Variants in KIF20B observed in about 807,000 individuals in gnomAD.
KIF20B encodes kinesin-like protein KIF20B.
Under a neutral mutation model 232.5 loss-of-function variants are expected in KIF20B, and 188 were observed. The observed-to-expected ratio is 0.81, with a 90% confidence interval of 0.72 to 0.91. The LOEUF is 0.91. Ranked by LOEUF, KIF20B falls within the 40% of genes least tolerant of loss-of-function variation. The pLI, the probability that KIF20B is intolerant of heterozygous loss-of-function variation, is 0.00. For missense variants in KIF20B, 2,154 were observed against 2,055.9 expected (o/e 1.05, Z -0.92); for synonymous variants, 712 against 683.0 (o/e 1.04, Z -0.66).
chr10:89,764,637 T>C (rs1842316430), intron 29 of KIF20B, among the ~76,000 whole-genome samples: 1 of 152,156 alleles, frequency 6.6e-6, no homozygotes, highest in Admixed American at 6.5e-5. Context: ...TGCATTTCTC[T>C]GATGGCCAGT....
chr10:89,772,630 A>G, intron 31 of KIF20B, 59 bp from the exon 32 acceptor site: 1 of 1,109,040 alleles, frequency 9.0e-7, no homozygotes, highest in Admixed American at 2.6e-5. Flanking sequence ...TAAGGATTTC[A>G]AATCACCTTT....
At chr10:89,727,709 G>A in intron 16 of KIF20B, 147 bp from the exon 17 acceptor site, 1 of 637,876 alleles carries the variant, frequency 1.6e-6, no homozygotes, top group Non-Finnish European at 2.5e-6. Context: ...TTTTTAATGA[G>A]TAGGGTGTGC....
In KIF20B at chr10:89,754,566, A is replaced by G. The variant is rs768347589; in HGVS notation, c.4396A>G (p.Lys1466Glu). 4.4e-6 allele frequency: 7 copies of G among 1,605,110 alleles called. No homozygotes were observed. In the African/African-American group the frequency reaches 8.0e-5, roughly 18 times the overall value. Residue 1466 changes from lysine (K) to glutamate (E), a missense_variant, in exon 26 of 33, where the codon AAA (lysine) becomes GAA (glutamate). Physicochemically the swap from Lys to Glu is moderately conservative, Grantham distance 56 (BLOSUM62 1). Transcript: ENST00000371728. The stretch of plus-strand genomic sequence containing the variant: ...TGATAGAAAGAAATGGTTAGAAGAA[A>G]AAATGATGCTTATCACTCAAGCGAA... ...NADRKKWLEEKMMLITQAKEA... is the reference protein window; with the variant it reads ...NADRKKWLEEEMMLITQAKEA...
In KIF20B at chr10:89,729,191, A is replaced by C; in HGVS notation, c.2335A>C (p.Thr779Pro). ...LINIIDQKED[T>P]INEFQNLKSH... ...AAATATAATTGATCAAAAAGAAGAT[A>C]CTATCAACGAATTTCAGAACCTAAA... is the stretch of plus-strand genomic sequence containing the variant. Residue 779 changes from threonine (T) to proline (P), a missense_variant, in exon 18 of 33, where the codon ACT (threonine) becomes CCT (proline). Thr to Pro is a conservative substitution (Grantham distance 38). Coordinates refer to ENST00000371728, the MANE Select transcript of KIF20B (RefSeq NM_001284259.2). 2 of 1,485,590 alleles carry C rather than the reference A, an allele frequency of 1.3e-6. No individual in the cohort carries two copies. Among genetic ancestry groups the C allele is most frequent in the Non-Finnish European group, 1.8e-6 (2 of 1,104,284 alleles). The allele number at this position is 1,485,590 out of a possible 1,614,324, so 92.0% of individuals were successfully genotyped here.
Position 89,719,724 on chromosome 10 carries a change from A to C in KIF20B, c.1722+18A>C, listed in dbSNP as rs1843011112. 2 of 1,554,630 alleles carry C rather than the reference A, an allele frequency of 1.3e-6. No individual in the cohort carries two copies. Among genetic ancestry groups the C allele is most frequent in the Admixed American group, 2.0e-5 (1 of 50,592 alleles). ...AGAAAAGAGTATGTATTAAGAACTCATACTTCTATGCTTGTCTTCTTATTC... is the reference window on the plus strand; with the variant it reads ...AGAAAAGAGTATGTATTAAGAACTCCTACTTCTATGCTTGTCTTCTTATTC... On this transcript the variant is annotated intron_variant, in intron 13 of 32. Coordinates refer to ENST00000371728, the MANE Select transcript of KIF20B (RefSeq NM_001284259.2).
At chr10:89,767,654 G>A (rs1424730182) in intron 29 of KIF20B, among the ~76,000 whole-genome samples, 1 of 151,984 alleles carries the variant, frequency 6.6e-6, no homozygotes, top group Non-Finnish European at 1.5e-5. Flanking sequence ...TCCTATGTGA[G>A]GTTATTTGGG....
chr10:89,709,561 C>G (rs1168862414), intron 4 of KIF20B, 100 bp downstream of exon 4: 1 of 718,060 alleles, frequency 1.4e-6, no homozygotes, highest in Non-Finnish European at 2.3e-6. Flanking sequence ...ACATTTTATG[C>G]TTATGCAACT....
chr10:89,745,808 A>T, intron 22 of KIF20B, 91 bp from the exon 23 acceptor site: 1 of 821,616 alleles, frequency 1.2e-6, no homozygotes, highest in Non-Finnish European at 2.0e-6. Flanking sequence ...CTGATTTCAA[A>T]CTTAATATTG....
At chr10:89,731,650 T>C (rs551642180) in intron 18 of KIF20B, among the ~76,000 whole-genome samples, 2 of 152,144 alleles carry the variant, frequency 1.3e-5, no homozygotes, top group Non-Finnish European at 2.9e-5. Flanking sequence ...TTGGTGAGGA[T>C]TGTATATTTT....
rs1842081307 is a variant in KIF20B, at chr10:89,754,514, A to ATG, written c.4348-4_4348-3insTG. On this transcript the variant is annotated splice_region_variant and splice_polypyrimidine_tract_variant and intron_variant, in intron 25 of 32. Coordinates refer to ENST00000371728, the MANE Select transcript of KIF20B (RefSeq NM_001284259.2). The stretch of plus-strand genomic sequence containing the variant: ...ATAATAACTTATACCATTTATATAT[A>ATG]CAGGAGTCTGAACAGAAATATAATG... 1 of 1,566,786 alleles carries ATG rather than the reference A, an allele frequency of 6.4e-7. No homozygotes were observed. The highest frequency in any genetic ancestry group is 8.7e-7 in the Non-Finnish European group (1 of 1,155,086).
At chr10:89,763,524 G>A (rs1183844316) in intron 29 of KIF20B, among the ~76,000 whole-genome samples, 1 of 152,070 alleles carries the variant, frequency 6.6e-6, no homozygotes, top group African/African-American at 2.4e-5. Context: ...TATAATCTTT[G>A]TCATTTAACT....
chr10:89,752,943 T>C lies in KIF20B; in HGVS notation c.4347+252T>C, dbSNP rs77650674. Among the ~76,000 whole-genome samples the C allele has an allele frequency of 2.4e-3, 369 of 152,316 alleles. 8 individuals carry two copies. In the East Asian group the frequency reaches 0.06, roughly 25 times the overall value. ...TCCTTAGTTTTATGTTTCACATATT[T>C]AATTCATAAACCACTGCTTCTAATG... On this transcript the variant is annotated intron_variant, in intron 25 of 32. Transcript: ENST00000371728.
intron 26 of KIF20B, among the ~76,000 whole-genome samples, chr10:89,757,941 A>G (rs1360603154): frequency 6.6e-6 from 1 of 151,348 alleles, no homozygotes; most frequent in Non-Finnish European, 1.5e-5. Context: ...TTGACCATGC[A>G]TTTGTAGATC....
chr10:89,770,964 T>C (rs1842450279), intron 31 of KIF20B, among the ~76,000 whole-genome samples: 1 of 152,098 alleles, frequency 6.6e-6, no homozygotes, highest in Admixed American at 6.6e-5. Flanking sequence ...CTTATTATTC[T>C]ACGGTTTGAT....
intron 7 of KIF20B, among the ~76,000 whole-genome samples, 176 bp from the exon 8 acceptor site, chr10:89,714,777 CTT>C (rs1234562138): frequency 2.6e-5 from 4 of 152,108 alleles, no homozygotes; most frequent in African/African-American, 9.7e-5. Context: ...AGTTGTCTAA[CTT>C]TGGTTAATCC....
intron 19 of KIF20B, among the ~76,000 whole-genome samples, chr10:89,734,426 G>A (rs1441523106): frequency 1.3e-5 from 2 of 151,988 alleles, no homozygotes; most frequent in Admixed American, 6.6e-5. Flanking sequence ...AATGAAAGTG[G>A]TGGTGGGGGG....
At chr10:89,737,240 T>A in intron 19 of KIF20B, 147 bp from the exon 20 acceptor site, 1 of 912,558 alleles carries the variant, frequency 1.1e-6, no homozygotes, top group African/African-American at 1.8e-5. Flanking sequence ...CTGTTTTTTC[T>A]TTTTTTCTCA....
chr10:89,735,913 T>G (rs1438707461), intron 19 of KIF20B, among the ~76,000 whole-genome samples: 1 of 152,184 alleles, frequency 6.6e-6, no homozygotes, highest in East Asian at 1.9e-4. Flanking sequence ...TCTTATAGAT[T>G]AGTAACCCTT....
Position 89,737,528 on chromosome 10 carries a change from A to T in KIF20B, c.2687A>T (p.Asn896Ile). Residue 896 changes from asparagine (N) to isoleucine (I), a missense_variant, in exon 20 of 33, where the codon AAT becomes ATT. Transcript: ENST00000371728. ...GLRAFLLTIE[N>I]ELKNEKEEKA... ...AGAGCATTTTTACTCACTATTGAGA[A>T]TGAACTTAAAAATGAAAAGGAAGAA... The T allele has an allele frequency of 6.2e-7, 1 of 1,609,238 alleles. No homozygotes were observed. Among genetic ancestry groups the T allele is most frequent in the Non-Finnish European group, 8.5e-7 (1 of 1,177,436 alleles).
Sources: gnomAD v4.1 joint callset for allele counts (sites outside exome capture counted in the v4.1 genomes callset) on GRCh38, gnomAD v4.1.1 for gene constraint, MANE v1.5 for transcripts, NCBI Gene and HGNC (gene_info 2026-07-23, HGNC 2026-07-21) for gene names.